Variants in SEMA3E observed in about 807,000 individuals in gnomAD.
SEMA3E encodes semaphorin-3E.
A neutral mutation model predicts 93.6 loss-of-function variants in SEMA3E; 49 were observed. That is an observed-to-expected ratio of 0.52 (90% confidence interval 0.42 to 0.66). SEMA3E has a LOEUF of 0.66. Ranked by LOEUF, SEMA3E falls within the 30% of genes least tolerant of loss-of-function variation. The pLI, the probability that SEMA3E is intolerant of heterozygous loss-of-function variation, is 0.00. For missense variants in SEMA3E, 906 were observed against 964.8 expected (o/e 0.94, Z 0.81); for synonymous variants, 363 against 330.7 (o/e 1.10, Z -1.06).
At chr7:83,412,249 G>C (rs187982144) in intron 5 of SEMA3E, among the ~76,000 whole-genome samples, 8 of 152,004 alleles carry the variant, frequency 5.3e-5, no homozygotes, top group Admixed American at 5.2e-4. Flanking sequence ...CTGTAGCTCT[G>C]GTACCTATTT....
intron 1 of SEMA3E, among the ~76,000 whole-genome samples, chr7:83,559,577 T>C (rs560087887): frequency 1.4e-4 from 22 of 151,874 alleles, no homozygotes; most frequent in African/African-American, 4.8e-4. Context: ...TATCAAATGC[T>C]GGTGAGGATG....
At position 83,407,255 on chromosome 7, in the gene SEMA3E, A is replaced by G; in HGVS notation, c.671-16T>C. 4 of 1,605,524 alleles carry G rather than the reference A, an allele frequency of 2.5e-6. No homozygotes were observed. The highest frequency in any genetic ancestry group is 3.4e-6 in the Non-Finnish European group (4 of 1,173,860). On this transcript the variant is annotated splice_polypyrimidine_tract_variant and intron_variant, in intron 6 of 16. Coordinates refer to ENST00000643230, the MANE Select transcript of SEMA3E (RefSeq NM_012431.3). ...AATTTTGGTTCTATAGGAGCAAAAA[A>G]TAGGAGAAAAAGTGAAATAGATATT... is the stretch of plus-strand genomic sequence containing the variant.
At chr7:83,394,162 A>C in intron 13 of SEMA3E, 135 bp downstream of exon 13, 1 of 956,958 alleles carries the variant, frequency 1.0e-6, no homozygotes, top group Admixed American at 2.7e-5. Context: ...ACAATAAAAT[A>C]AAGTAATAAA....
Position 83,363,860 on chromosome 7 carries a change from A to AT in SEMA3E, c.*3725dup, listed in dbSNP as rs56867715. 2.6e-5 allele frequency: 2 copies of AT among 76,968 alleles called. No individual in the cohort carries two copies. Among genetic ancestry groups the AT allele is most frequent in the African/African-American group, 9.9e-5 (2 of 20,112 alleles). The allele number at this position is 76,968 out of a possible 1,614,324, so 4.8% of individuals were successfully genotyped here. A position where few individuals can be genotyped will look rare whatever the true frequency, so the allele number is the denominator to read the frequency against. On this transcript the variant is annotated 3_prime_UTR_variant, in exon 17 of 17. Transcript: ENST00000643230. ...GGCTACAGGTGTCACAGGTCAATTC[A>AT]TTTTTTTTTTTTTTTTTTTTTTTTT... is the stretch of plus-strand genomic sequence containing the variant.
At chr7:83,403,909 T>A (rs1788278234) in intron 9 of SEMA3E, among the ~76,000 whole-genome samples, 1 of 151,960 alleles carries the variant, frequency 6.6e-6, no homozygotes, top group African/African-American at 2.4e-5. Context: ...TTCTCAGATT[T>A]ATATAAATTG....
At chr7:83,431,720 G>A (rs1043345899) in intron 4 of SEMA3E, among the ~76,000 whole-genome samples, 2 of 152,086 alleles carry the variant, frequency 1.3e-5, no homozygotes, top group Non-Finnish European at 2.9e-5. Context: ...CAAGCAAGTG[G>A]TATTAATGGG....
At chr7:83,386,766 A>C (rs1787891305) in intron 15 of SEMA3E, among the ~76,000 whole-genome samples, 1 of 152,318 alleles carries the variant, frequency 6.6e-6, no homozygotes, top group East Asian at 1.9e-4. Context: ...TTTAATAATA[A>C]AGCTTGGTGG....
At chr7:83,415,442 A>G (rs1788521729) in intron 5 of SEMA3E, among the ~76,000 whole-genome samples, 2 of 152,090 alleles carry the variant, frequency 1.3e-5, no homozygotes. Context: ...TTAGTTTCTG[A>G]ATATATATGA....
At chr7:83,450,939 C>T (rs1380090439) in intron 4 of SEMA3E, among the ~76,000 whole-genome samples, 2 of 151,966 alleles carry the variant, frequency 1.3e-5, no homozygotes, top group African/African-American at 4.8e-5. Flanking sequence ...GGTTGTGTTC[C>T]CCACCCTAAT....
chr7:83,408,235 T>C (rs905802364), intron 6 of SEMA3E, 133 bp downstream of exon 6: 21 of 960,092 alleles, frequency 2.2e-5, no homozygotes, highest in Non-Finnish European at 3.3e-5. Flanking sequence ...TTCAAGAATG[T>C]TGCTAGTAAA....
chr7:83,375,706 T>A (rs1794813277), intron 16 of SEMA3E, among the ~76,000 whole-genome samples: 2 of 152,054 alleles, frequency 1.3e-5, no homozygotes, highest in Non-Finnish European at 2.9e-5. Context: ...TAGAATGGTG[T>A]CAGTGGCATG....
chr7:83,410,795 TGAGG>T (rs1023687746), intron 5 of SEMA3E, among the ~76,000 whole-genome samples: 1 of 152,178 alleles, frequency 6.6e-6, no homozygotes, highest in African/African-American at 2.4e-5. Flanking sequence ...AACACATGAG[TGAGG>T]ATTTCTCTGA....
intron 1 of SEMA3E, among the ~76,000 whole-genome samples, chr7:83,599,676 T>C (rs1354959463): frequency 6.6e-6 from 1 of 152,196 alleles, no homozygotes. Context: ...GTTAATACTA[T>C]TAAAAATCAT....
intron 1 of SEMA3E, among the ~76,000 whole-genome samples, chr7:83,589,415 T>C (rs181906673): frequency 2.0e-5 from 3 of 152,264 alleles, no homozygotes; most frequent in South Asian, 2.1e-4. Context: ...TTCATAGATA[T>C]AACTTCAAAC....
At chr7:83,444,673 A>ATTTTT (rs397952833) in intron 4 of SEMA3E, among the ~76,000 whole-genome samples, 3 of 142,290 alleles carry the variant, frequency 2.1e-5, no homozygotes, top group African/African-American at 7.8e-5. Context: ...AATATTCAGC[A>ATTTTT]TTTTTTTTTT....
chr7:83,453,416 C>G (rs941265781), intron 4 of SEMA3E, among the ~76,000 whole-genome samples: 1 of 111,358 alleles, frequency 9.0e-6, no homozygotes, highest in Non-Finnish European at 1.9e-5. Context: ...CCCATTCTCC[C>G]TACTGAAAAA....
intron 4 of SEMA3E, among the ~76,000 whole-genome samples, chr7:83,436,499 A>G (rs1187915053): frequency 2.0e-5 from 3 of 151,808 alleles, no homozygotes; most frequent in Non-Finnish European, 4.4e-5. Flanking sequence ...ATATACACAC[A>G]TATACATATA....
chr7:83,632,628 T>C (rs1793809215), intron 1 of SEMA3E, among the ~76,000 whole-genome samples: 1 of 152,212 alleles, frequency 6.6e-6, no homozygotes, highest in African/African-American at 2.4e-5. Context: ...AAGTACATTA[T>C]AAACCTCTTT....
intron 4 of SEMA3E, among the ~76,000 whole-genome samples, chr7:83,453,480 C>A (rs903249552): frequency 6.7e-6 from 1 of 148,210 alleles, no homozygotes; most frequent in African/African-American, 2.5e-5. Context: ...CCGTAATCTC[C>A]ATTACATTTC....
Sources: gnomAD v4.1 joint callset for allele counts (sites outside exome capture counted in the v4.1 genomes callset) on GRCh38, gnomAD v4.1.1 for gene constraint, MANE v1.5 for transcripts, NCBI Gene and HGNC (gene_info 2026-07-23, HGNC 2026-07-21) for gene names.